INO80: variants seen among roughly 807,000 people sequenced by gnomAD.
INO80 encodes chromatin-remodeling ATPase INO80.
INO80 carries 20 observed loss-of-function variants against 203.4 expected under a neutral mutation model. The observed-to-expected ratio is 0.10, with a 90% CI of 0.07 to 0.14. The LOEUF (loss-of-function observed/expected upper bound fraction) is 0.14. Among genes scored for constraint, INO80 ranks in the 10% least tolerant of loss-of-function variants. The pLI is 1.00. For missense variants in INO80, 1,419 were observed against 1,914.4 expected, an observed-to-expected ratio of 0.74 and a Z score of 4.83; for synonymous variants, 726 against 685.2, an observed-to-expected ratio of 1.06 and a Z score of -0.93.
intron 9 of INO80, among the ~76,000 whole-genome samples, chr15:41,078,489 ATAAT>A (rs2140620128): frequency 9.9e-6 from 1 of 101,502 alleles, no homozygotes; most frequent in South Asian, 3.0e-4. Context: ...TACTAACTTG[ATAAT>A]TATGATTACC....
intron 23 of INO80, among the ~76,000 whole-genome samples, chr15:41,046,202 CATACATATATATATATAT>C (rs1325048191): frequency 0.021 from 2,302 of 109,434 alleles, 239 homozygotes; most frequent in African/African-American, 0.04. Context: ...TGTGCGTATA[CATACATATATATATATAT>C]ATATATATAT....
At chr15:41,113,149 C>G (rs1489768918) in intron 1 of INO80, among the ~76,000 whole-genome samples, 1 of 152,092 alleles carries the variant, frequency 6.6e-6, no homozygotes, top group African/African-American at 2.4e-5. Flanking sequence ...CTCCTGAGCT[C>G]AAACGATCCG....
intron 1 of INO80, among the ~76,000 whole-genome samples, chr15:41,100,870 C>A (rs2045798594): frequency 6.6e-6 from 1 of 151,098 alleles, no homozygotes; most frequent in Admixed American, 6.6e-5. Flanking sequence ...CCTCTGTCGC[C>A]CAGGCTGGAG....
chr15:41,079,998 G>T, intron 8 of INO80, 94 bp from the exon 9 acceptor site: 1 of 1,070,602 alleles, frequency 9.3e-7, no homozygotes, highest in Non-Finnish European at 1.4e-6. Flanking sequence ...AATCTGTTCA[G>T]CCAAACTGTC....
chr15:41,069,482 T>C, intron 14 of INO80, 88 bp downstream of exon 14: 2 of 755,080 alleles, frequency 2.6e-6, no homozygotes, highest in Non-Finnish European at 4.2e-6. Context: ...AATTTAAAAC[T>C]GTTATGAGTA....
At chr15:41,093,082 A>G (rs1566946324) in intron 4 of INO80, among the ~76,000 whole-genome samples, 1 of 152,128 alleles carries the variant, frequency 6.6e-6, no homozygotes, top group Non-Finnish European at 1.5e-5. Context: ...ACATCAATAC[A>G]GACAAAAAGC....
At chr15:41,115,813 G>A (rs2046025840) in intron 1 of INO80, among the ~76,000 whole-genome samples, 160 bp downstream of exon 1, 1 of 152,196 alleles carries the variant, frequency 6.6e-6, no homozygotes, top group Non-Finnish European at 1.5e-5. Flanking sequence ...CAACCCTGCG[G>A]GGAGTGTCCA....
chr15:41,038,405 T>G (rs1490080162), intron 24 of INO80, among the ~76,000 whole-genome samples: 1 of 152,152 alleles, frequency 6.6e-6, no homozygotes, highest in Non-Finnish European at 1.5e-5. Context: ...ACCTTACTTT[T>G]TAACTGTCAC....
At chr15:41,088,722 C>A (rs1299515664) in intron 5 of INO80, among the ~76,000 whole-genome samples, 1 of 152,070 alleles carries the variant, frequency 6.6e-6, no homozygotes, top group Admixed American at 6.5e-5. Flanking sequence ...TGGATTATAG[C>A]CAAATAAATT....
chr15:41,033,955 G>A lies in INO80; in HGVS notation c.2908-6219C>T, dbSNP rs188289741. 9.2e-5 allele frequency among the ~76,000 whole-genome samples: 14 copies of A among 152,028 alleles called. No homozygotes were observed. In the South Asian group the frequency reaches 2.5e-3, roughly 27 times the overall value. Reference sequence around the variant, plus strand: ...CAGGCGCCTGTAGTCCCAGCTTCTCGGGAGGCTGAGGCAGGAGAATGGCGT... The same window carrying A: ...CAGGCGCCTGTAGTCCCAGCTTCTCAGGAGGCTGAGGCAGGAGAATGGCGT... On this transcript the variant is annotated intron_variant, in intron 24 of 35. Transcript: ENST00000648947.
chr15:40,997,410 G>A (rs112352324), intron 29 of INO80, 119 bp downstream of exon 29: 2 of 669,336 alleles, frequency 3.0e-6, no homozygotes, highest in Admixed American at 2.5e-5. Context: ...TAAAAAGTTT[G>A]CAAGTTTGTG....
chr15:41,113,331 A>G (rs2045983632), intron 1 of INO80, among the ~76,000 whole-genome samples: 1 of 151,706 alleles, frequency 6.6e-6, no homozygotes, highest in Non-Finnish European at 1.5e-5. Flanking sequence ...CAGTGGCTCA[A>G]TCTCGGCTCA....
At chr15:41,039,899 A>C (rs893057562) in intron 24 of INO80, among the ~76,000 whole-genome samples, 1 of 152,240 alleles carries the variant, frequency 6.6e-6, no homozygotes, top group African/African-American at 2.4e-5. Flanking sequence ...TGTAAATATT[A>C]ATATGTGAAT....
chr15:41,073,307 A>G (rs2059415218), intron 11 of INO80, 121 bp downstream of exon 11: 2 of 838,424 alleles, frequency 2.4e-6, no homozygotes, highest in African/African-American at 1.7e-5. Context: ...ACACATATAC[A>G]CAAGCTAGTC....
At chr15:41,042,660 T>C (rs1405703317) in intron 24 of INO80, among the ~76,000 whole-genome samples, 1 of 151,636 alleles carries the variant, frequency 6.6e-6, no homozygotes, top group Non-Finnish European at 1.5e-5. Context: ...TTTTAGTAGA[T>C]GTGGGGTTTC....
At chr15:41,046,909 C>A (rs369811195) in intron 23 of INO80, among the ~76,000 whole-genome samples, 1 of 150,642 alleles carries the variant, frequency 6.6e-6, no homozygotes, top group Non-Finnish European at 1.5e-5. Flanking sequence ...TGAGCCACTG[C>A]GCCTGGGCCT....
intron 24 of INO80, among the ~76,000 whole-genome samples, chr15:41,039,718 C>A (rs910708064): frequency 6.6e-6 from 1 of 152,140 alleles, no homozygotes; most frequent in Non-Finnish European, 1.5e-5. Flanking sequence ...ATGCCCTCCA[C>A]GGACCTTTGA....
intron 16 of INO80, among the ~76,000 whole-genome samples, chr15:41,057,790 T>A (rs1596299417): frequency 2.9e-5 from 1 of 33,962 alleles, no homozygotes; most frequent in Non-Finnish European, 5.3e-5. Context: ...AGAGTGAAAC[T>A]ACATCTCAAA....
At chr15:41,087,484 G>C (rs2045579644) in intron 6 of INO80, 78 bp downstream of exon 6, 2 of 1,473,118 alleles carry the variant, frequency 1.4e-6, no homozygotes, top group Non-Finnish European at 1.9e-6. Flanking sequence ...TATATATAAA[G>C]TCCAAATGCA....
Sources: allele counts gnomAD v4.1 joint callset (sites outside exome capture counted in the v4.1 genomes callset), GRCh38; gene constraint gnomAD v4.1.1; transcripts MANE v1.5; gene names NCBI Gene and HGNC (gene_info 2026-07-23, HGNC 2026-07-21).